INSIG1: variants seen among roughly 807,000 people sequenced by gnomAD.
The protein encoded by INSIG1 is insulin-induced gene 1 protein.
A neutral mutation model predicts 26.5 loss-of-function variants in INSIG1; 14 were observed. The observed-to-expected ratio is 0.53, with a 90% CI of 0.35 to 0.83. INSIG1 has a LOEUF of 0.83. Ranked by LOEUF, INSIG1 falls within the 40% of genes least tolerant of loss-of-function variation. INSIG1 has a pLI of 0.01. For missense variants in INSIG1, 272 were observed against 368.9 expected, an observed-to-expected ratio of 0.74 and a Z score of 2.15; for synonymous variants, 147 against 153.3, an observed-to-expected ratio of 0.96 and a Z score of 0.30.
In INSIG1 at chr7:155,308,456, A is replaced by C; in HGVS notation, c.*186A>C. On this transcript the variant is annotated 3_prime_UTR_variant, in exon 6 of 6. Coordinates refer to ENST00000340368, the MANE Select transcript of INSIG1 (RefSeq NM_005542.6). Reference sequence around the variant, plus strand: ...AGGTGGAGAATGATGACTTACCCTGAAGTCTTCCCTTGACTGCCCGCACTG... The same window carrying C: ...AGGTGGAGAATGATGACTTACCCTGCAGTCTTCCCTTGACTGCCCGCACTG... The C allele has an allele frequency of 2.7e-6, 2 of 732,996 alleles. No homozygotes were observed. The highest frequency in any genetic ancestry group is 2.0e-5 in the Admixed American group (1 of 50,380). The allele number at this position is 732,996 out of a possible 1,614,324, so 45.4% of individuals were successfully genotyped here. A position where few individuals can be genotyped will look rare whatever the true frequency, so the allele number is the denominator to read the frequency against.
chr7:155,301,504 C>T, intron 2 of INSIG1, 62 bp from the exon 3 acceptor site: 1 of 1,510,350 alleles, frequency 6.6e-7, no homozygotes. Context: ...TACTAATGAC[C>T]ACGTTGAAAT....
At chr7:155,303,197 G>C (rs576423849) in intron 5 of INSIG1, among the ~76,000 whole-genome samples, 1 of 152,328 alleles carries the variant, frequency 6.6e-6, no homozygotes, top group Admixed American at 6.5e-5. Context: ...AAGCAGATCT[G>C]GATGACCTCA....
chr7:155,298,703 T>TA lies in INSIG1; in HGVS notation c.412+7dup. Reference sequence around the variant, plus strand: ...CTGCTGCGGGACAGCAGCTGGTGAGTACCCCTCCTGGTTCTTCTGGAAGTA... The same window carrying TA: ...CTGCTGCGGGACAGCAGCTGGTGAGTAACCCCTCCTGGTTCTTCTGGAAGTA... On this transcript the variant is annotated splice_region_variant and intron_variant, in intron 2 of 5. Coordinates refer to ENST00000340368, the MANE Select transcript of INSIG1 (RefSeq NM_005542.6). 6.2e-7 allele frequency: 1 copy of TA among 1,607,224 alleles called. No individual in the cohort carries two copies. Among genetic ancestry groups the TA allele is most frequent in the Non-Finnish European group, 8.5e-7 (1 of 1,178,600 alleles).
chr7:155,310,103 A>G lies in INSIG1; in HGVS notation c.*1833A>G, dbSNP rs867548336. 2.6e-5 allele frequency: 4 copies of G among 152,814 alleles called. No individual in the cohort carries two copies. The highest frequency in any genetic ancestry group is 3.4e-3 in the Middle Eastern group (1 of 294). The allele number at this position is 152,814 out of a possible 1,614,324, so 9.5% of individuals were successfully genotyped here. A position where few individuals can be genotyped will look rare whatever the true frequency, so the allele number is the denominator to read the frequency against. ...ACCAAAGTGATTTGAGTTTGTAAAA[A>G]TGTAAAATAGTATGAACAAAATTTG... On this transcript the variant is annotated 3_prime_UTR_variant, in exon 6 of 6. Transcript: ENST00000340368.
At position 155,302,813 on chromosome 7, in the gene INSIG1, C is replaced by T; in HGVS notation, c.771C>T (p.Val257=). 6.2e-7 allele frequency: 1 copy of T among 1,611,704 alleles called. No homozygotes were observed. Among genetic ancestry groups the T allele is most frequent in the Non-Finnish European group, 8.5e-7 (1 of 1,177,878 alleles). ...CTTGTATATTTTTCTCAGGAGGCGTCACGGTGGGGAACATAGGACGACAGT... is the reference window on the plus strand; with the variant it reads ...CTTGTATATTTTTCTCAGGAGGCGTTACGGTGGGGAACATAGGACGACAGT... ...WLPCIFFSGG[V]TVGNIGRQLA... Residue 257 remains valine (V), a synonymous_variant, in exon 5 of 6, where the codon GTC becomes GTT. Transcript: ENST00000340368. The surrounding 1 kb of genome is among the most constrained non-coding windows in gnomAD (Gnocchi z 4.3).
In INSIG1 at chr7:155,302,482, A is replaced by G. The variant is rs1797816754; in HGVS notation, c.704+65A>G. Reference sequence around the variant, plus strand: ...CTTAACTTTCATTAAAACATCCACTAAGCTTAGATATTTTCATATTTTATT... The same window carrying G: ...CTTAACTTTCATTAAAACATCCACTGAGCTTAGATATTTTCATATTTTATT... On this transcript the variant is annotated intron_variant, in intron 4 of 5. Coordinates refer to ENST00000340368, the MANE Select transcript of INSIG1 (RefSeq NM_005542.6). The surrounding 1 kb of genome is among the most constrained non-coding windows in gnomAD (Gnocchi z 4.3). The G allele has an allele frequency of 1.5e-6, 2 of 1,373,672 alleles. No individual in the cohort carries two copies. Among genetic ancestry groups the G allele is most frequent in the Non-Finnish European group, 2.0e-6 (2 of 1,016,434 alleles). 85.1% of individuals were successfully genotyped at this position (1,373,672 alleles called of 1,614,324 possible).
intron 5 of INSIG1, chr7:155,303,165 TC>T (rs1462027059): frequency 1.2e-5 from 3 of 250,216 alleles, no homozygotes; most frequent in African/African-American, 4.5e-5. Context: ...TGTGTGAGTG[TC>T]CCCTCCTCCT....
At chr7:155,301,765 A>G (rs1797791647) in intron 3 of INSIG1, 75 bp downstream of exon 3, 1 of 1,317,172 alleles carries the variant, frequency 7.6e-7, no homozygotes, top group Admixed American at 2.5e-5. Context: ...TTTGTTATAT[A>G]CTCAAATGAC....
At chr7:155,303,951 A>T in intron 5 of INSIG1, 94 of 724,854 alleles carry the variant, frequency 1.3e-4, no homozygotes, top group Non-Finnish European at 1.8e-4. Flanking sequence ...ATTTCTCATG[A>T]TGGAGAAGAA....
chr7:155,298,732 A>C, intron 2 of INSIG1, 35 bp downstream of exon 2: 16 of 1,582,374 alleles, frequency 1.0e-5, no homozygotes, highest in Middle Eastern at 1.7e-4. Context: ...GGAAGTAAAA[A>C]GGGTGTCTTT....
At position 155,304,981 on chromosome 7, in the gene INSIG1, C is replaced by CAAAA. The variant is rs764489772; in HGVS notation, c.804+2148_804+2151dup. On this transcript the variant is annotated intron_variant, in intron 5 of 5. Transcript: ENST00000340368. ...TGAAACCCCGTCTGTACTAAAAATA[C>CAAAA]AAAAAAAAAAAAAAAATAGCCAGGC... Among the ~76,000 whole-genome samples, 549 of 129,790 alleles carry CAAAA rather than the reference C, an allele frequency of 4.2e-3. 5 individuals carry two copies. The highest frequency in any genetic ancestry group is 6.3e-3 in the Non-Finnish European group (391 of 61,586). 85.1% of individuals were successfully genotyped at this position (129,790 alleles called of 152,430 possible). A position where few individuals can be genotyped will look rare whatever the true frequency, so the allele number is the denominator to read the frequency against.
At chr7:155,303,846 T>C in intron 5 of INSIG1, 1 of 1,365,798 alleles carries the variant, frequency 7.3e-7, no homozygotes, top group South Asian at 1.1e-5. Flanking sequence ...CTGTGAGGAG[T>C]TGAATTTGAA....
rs749350246 is a variant in INSIG1, at chr7:155,308,296, G to A, written c.*26G>A. On this transcript the variant is annotated 3_prime_UTR_variant, in exon 6 of 6. Transcript: ENST00000340368. ...GTCTTCAAAACCACCGATTCTGAGA[G>A]CAAGGAAGATTTTGGAAGAAAATCT... The A allele has an allele frequency of 3.7e-6, 6 of 1,612,846 alleles. No individual in the cohort carries two copies. The highest frequency in any genetic ancestry group is 4.5e-5 in the East Asian group (2 of 44,878).
In INSIG1 at chr7:155,302,890, T is replaced by C. The variant is rs745938764; in HGVS notation, c.804+44T>C. ...TTATCTTCTAAAACTTGCGTCTCTT[T>C]ACCTTGATAGAATGACTTTACATGA... On this transcript the variant is annotated intron_variant, in intron 5 of 5. Transcript: ENST00000340368. This position sits in a 1 kb window ranked among gnomAD's most constrained non-coding sequence, Gnocchi z 4.3. 1 of 1,284,656 alleles carries C rather than the reference T, an allele frequency of 7.8e-7. No homozygotes were observed. The highest frequency in any genetic ancestry group is 1.2e-5 in the South Asian group (1 of 84,002). The allele number at this position is 1,284,656 out of a possible 1,614,324, so 79.6% of individuals were successfully genotyped here.
Position 155,298,165 on chromosome 7 carries a change from C to T in INSIG1, c.-27-94C>T. On this transcript the variant is annotated intron_variant, in intron 1 of 5. Transcript: ENST00000340368. ...GGGGGTCTAACCTTGGGGGGCGGCG[C>T]TGCCGCCTGGCCCGGGTGCCGGGGT... is the stretch of plus-strand genomic sequence containing the variant. 2.7e-6 allele frequency: 3 copies of T among 1,121,220 alleles called. No homozygotes were observed. In the South Asian group the frequency reaches 7.0e-5, roughly 26 times the overall value. The allele number at this position is 1,121,220 out of a possible 1,614,324, so 69.5% of individuals were successfully genotyped here.
chr7:155,297,942 C>A lies in INSIG1; in HGVS notation c.-45C>A. 5.2e-6 allele frequency: 1 copy of A among 192,246 alleles called. No individual in the cohort carries two copies. Among genetic ancestry groups the A allele is most frequent in the Non-Finnish European group, 1.1e-5 (1 of 94,700 alleles). 11.9% of individuals were successfully genotyped at this position (192,246 alleles called of 1,614,324 possible). A position where few individuals can be genotyped will look rare whatever the true frequency, so the allele number is the denominator to read the frequency against. On this transcript the variant is annotated 5_prime_UTR_variant, in exon 1 of 6. Transcript: ENST00000340368. ...CGCCTCCGTTCGGAGAGCCGGCGGG[C>A]GGGCGCCTCTCGGCCAGGTACGCGG... is the stretch of plus-strand genomic sequence containing the variant.
chr7:155,300,932 C>G (rs1797766745), intron 2 of INSIG1, among the ~76,000 whole-genome samples: 1 of 152,238 alleles, frequency 6.6e-6, no homozygotes, highest in Admixed American at 6.5e-5. Context: ...CTGTGTGGGG[C>G]TGTCTCGCCC....
In INSIG1 at chr7:155,308,776, TAG is replaced by T. The variant is rs1330353798; in HGVS notation, c.*511_*512del. 6.3e-6 allele frequency: 1 copy of T among 157,782 alleles called. No individual in the cohort carries two copies. Among genetic ancestry groups the T allele is most frequent in the Non-Finnish European group, 1.4e-5 (1 of 70,830 alleles). The allele number at this position is 157,782 out of a possible 1,614,324, so 9.8% of individuals were successfully genotyped here. On this transcript the variant is annotated 3_prime_UTR_variant, in exon 6 of 6. Coordinates refer to ENST00000340368, the MANE Select transcript of INSIG1 (RefSeq NM_005542.6). Reference sequence around the variant, plus strand: ...AAAACAAGAAAAGCAGCAGTGATTATAGAGAGGTCACACTCTAAGTGGGGTCG... The same window carrying T: ...AAAACAAGAAAAGCAGCAGTGATTATAGAGGTCACACTCTAAGTGGGGTCG...
rs28362650 is a variant in INSIG1 at position 155,297,906 on chromosome 7, T to C, written c.-81T>C. ...GCCGTCCCGGGCCGTGACTCCTCCT[T>C]TCCCCCGCCCCGCCTCCGTTCGGAG... On this transcript the variant is annotated 5_prime_UTR_variant, in exon 1 of 6. Coordinates refer to ENST00000340368, the MANE Select transcript of INSIG1 (RefSeq NM_005542.6). 90 of 162,036 alleles carry C rather than the reference T, an allele frequency of 5.6e-4. 1 individual carries two copies. The East Asian group carries it at 0.015, about 27-fold the overall frequency. 10.0% of individuals were successfully genotyped at this position (162,036 alleles called of 1,614,324 possible).
Sources: gnomAD v4.1 joint callset for allele counts (sites outside exome capture counted in the v4.1 genomes callset) on GRCh38, gnomAD v4.1.1 for gene constraint, Gnocchi (gnomAD v3.1) non-coding constraint, MANE v1.5 for transcripts, NCBI Gene and HGNC (gene_info 2026-07-23, HGNC 2026-07-21) for gene names.